The following C14orf39 variants were observed in gnomAD, a reference collection of about 807,000 sequenced individuals.
The protein encoded by C14orf39 is protein SIX6OS1.
A neutral mutation model predicts 85.6 loss-of-function variants in C14orf39; 66 were observed. The observed-to-expected ratio is 0.77, with a 90% CI of 0.63 to 0.95. The LOEUF (loss-of-function observed/expected upper bound fraction) is 0.95, where lower values mean the gene tolerates loss of function less well. Ranked by LOEUF, C14orf39 falls within the 40% of genes least tolerant of loss-of-function variation. The pLI is 0.00. For synonymous variants in C14orf39, 242 were observed against 214.0 expected (o/e 1.13, Z -1.14); for missense variants, 735 against 663.9 (o/e 1.11, Z -1.18).
chr14:60,441,694 T>C (rs1474451336), intron 17 of C14orf39, among the ~76,000 whole-genome samples: 5 of 151,696 alleles, frequency 3.3e-5, no homozygotes, highest in Non-Finnish European at 5.9e-5. Context: ...AATGAATTAA[T>C]CAATCAAAGG....
intron 13 of C14orf39, among the ~76,000 whole-genome samples, chr14:60,459,565 T>G (rs1891427660): frequency 6.6e-6 from 1 of 151,734 alleles, no homozygotes; most frequent in African/African-American, 2.4e-5. Context: ...AATTTAGGTA[T>G]GGTCTCAATA....
intron 16 of C14orf39, among the ~76,000 whole-genome samples, chr14:60,448,966 C>G (rs1340370776): frequency 6.6e-6 from 1 of 151,998 alleles, no homozygotes; most frequent in Admixed American, 6.6e-5. Context: ...TGTTCTCACT[C>G]ATAGGTGGAA....
At chr14:60,473,216 T>C (rs930186142) in intron 5 of C14orf39, among the ~76,000 whole-genome samples, 14 of 152,354 alleles carry the variant, frequency 9.2e-5, no homozygotes, top group Admixed American at 5.2e-4. Context: ...TTGAGAAGTG[T>C]CTGTTCATAT....
At chr14:60,471,935 T>TG (rs1377745874) in intron 5 of C14orf39, among the ~76,000 whole-genome samples, 196 bp from the exon 6 acceptor site, 3 of 152,038 alleles carry the variant, frequency 2.0e-5, no homozygotes, top group Non-Finnish European at 2.9e-5. Context: ...CTTCATTACC[T>TG]GAGTGATTCA....
At chr14:60,506,223 C>T (rs1893201816) in intron 1 of C14orf39, among the ~76,000 whole-genome samples, 1 of 152,070 alleles carries the variant, frequency 6.6e-6, no homozygotes, top group African/African-American at 2.4e-5. Context: ...GGCCCAAGGC[C>T]AAGGGCTGCC....
intron 1 of C14orf39, chr14:60,510,097 G>A (rs1324418936): frequency 5.9e-6 from 5 of 844,330 alleles, no homozygotes; most frequent in Non-Finnish European, 9.7e-6. Context: ...GTCTGTCTTG[G>A]GTTAAGAGCC....
intron 3 of C14orf39, 72 bp from the exon 4 acceptor site, chr14:60,483,889 A>T (rs1352096764): frequency 1.9e-6 from 2 of 1,078,356 alleles, no homozygotes; most frequent in African/African-American, 1.6e-5. Flanking sequence ...GAGAAAAAAA[A>T]TGGGTATGGC....
intron 15 of C14orf39, among the ~76,000 whole-genome samples, chr14:60,456,633 A>G: frequency 6.6e-6 from 1 of 152,008 alleles, no homozygotes; most frequent in East Asian, 1.9e-4. Context: ...AGTACGTGGG[A>G]TTTATGCCAT....
intron 2 of C14orf39, among the ~76,000 whole-genome samples, chr14:60,492,389 A>G (rs1356198267): frequency 2.6e-5 from 4 of 152,182 alleles, no homozygotes; most frequent in Admixed American, 2.0e-4. Flanking sequence ...TCCCACCAAT[A>G]TATCAATCCT....
chr14:60,487,756 C>G (rs913261581), upstream of C14orf39, among the ~76,000 whole-genome samples: 11 of 152,146 alleles, frequency 7.2e-5, no homozygotes, highest in Non-Finnish European at 1.0e-4. Context: ...GAGTGTACAA[C>G]TTTTCCTTTT....
At chr14:60,497,036 C>T (rs932900077) in intron 2 of C14orf39, among the ~76,000 whole-genome samples, 2 of 152,220 alleles carry the variant, frequency 1.3e-5, no homozygotes, top group East Asian at 1.9e-4. Context: ...CCTTTACGGT[C>T]CTGTCCCTAC....
At position 60,483,734 on chromosome 14, in the gene C14orf39, G is replaced by T; in HGVS notation, c.190C>A (p.His64Asn). 1.9e-6 allele frequency: 3 copies of T among 1,597,940 alleles called. No homozygotes were observed. The highest frequency in any genetic ancestry group is 2.2e-5 in the South Asian group (2 of 89,732). ...TINATDEEID[H>N]YCKHSEEIKD... The stretch of plus-strand genomic sequence containing the variant: ...ATCTCCTCACTATGTTTACAGTAAT[G>T]ATCAATTTCCTCATCTGTTGCATTT... Residue 64 changes from histidine to asparagine, a missense_variant, in exon 4 of 18, where the codon CAT becomes AAT. His to Asn is a moderately conservative substitution (Grantham distance 68). Transcript: ENST00000321731.
intron 16 of C14orf39, among the ~76,000 whole-genome samples, chr14:60,445,525 T>C (rs945275108): frequency 5.3e-5 from 8 of 152,242 alleles, no homozygotes; most frequent in Middle Eastern, 3.4e-3. Context: ...CTATCCTAAA[T>C]ATATATGAAC....
intron 5 of C14orf39, among the ~76,000 whole-genome samples, chr14:60,473,373 T>C (rs1373612581): frequency 1.3e-5 from 2 of 152,238 alleles, no homozygotes; most frequent in Non-Finnish European, 2.9e-5. Flanking sequence ...ACTCTGATGG[T>C]AGTTTCTTTT....
At chr14:60,439,747 G>A (rs1451580132) in intron 17 of C14orf39, among the ~76,000 whole-genome samples, 1 of 152,198 alleles carries the variant, frequency 6.6e-6, no homozygotes, top group Non-Finnish European at 1.5e-5. Flanking sequence ...AAACACTGAA[G>A]TGAATGAGTG....
intron 11 of C14orf39, among the ~76,000 whole-genome samples, chr14:60,465,455 G>A (rs78155763): frequency 0.01 from 1,593 of 152,204 alleles, 23 homozygotes; most frequent in African/African-American, 0.037. Context: ...CATATTCACT[G>A]CTTCCACCTG....
chr14:60,455,269 T>C (rs780286019), intron 15 of C14orf39, 124 bp from the exon 16 acceptor site: 6 of 620,378 alleles, frequency 9.7e-6, no homozygotes, highest in African/African-American at 5.9e-5. Flanking sequence ...GAAGTAGTTA[T>C]TGAAGTGACA....
chr14:60,440,023 C>T (rs547335751), intron 17 of C14orf39, among the ~76,000 whole-genome samples: 17 of 152,084 alleles, frequency 1.1e-4, no homozygotes, highest in Non-Finnish European at 1.5e-4. Context: ...TGCCGTGAGC[C>T]GAGATAGTGC....
Position 60,515,138 on chromosome 14 carries a change from C to T in C14orf39, c.-144+257G>A, listed in dbSNP as rs979771210. ...CCCTGCCTGCGCCGCGCGGCTACCC[C>T]CGTGCCCGGCGCCGCCGACGGGAAG... On this transcript the variant is annotated intron_variant, in intron 1 of 5. Transcript: ENST00000556799. The surrounding 1 kb of genome is among the most constrained non-coding windows in gnomAD (Gnocchi z 6.2). 2.0e-5 allele frequency: 3 copies of T among 152,000 alleles called. No individual in the cohort carries two copies. The highest frequency in any genetic ancestry group is 4.8e-5 in the African/African-American group (2 of 41,436). The allele number at this position is 152,000 out of a possible 1,614,324, so 9.4% of individuals were successfully genotyped here. A position where few individuals can be genotyped will look rare whatever the true frequency, so the allele number is the denominator to read the frequency against.
Sources: gnomAD v4.1 joint callset for allele counts (sites outside exome capture counted in the v4.1 genomes callset) on GRCh38, gnomAD v4.1.1 for gene constraint, Gnocchi (gnomAD v3.1) non-coding constraint, MANE v1.5 for transcripts, NCBI Gene and HGNC (gene_info 2026-07-23, HGNC 2026-07-21) for gene names.